Variants in PALB2 observed in about 807,000 individuals in gnomAD.
PALB2 encodes the protein partner and localizer of BRCA2.
Under a neutral mutation model 107.4 loss-of-function variants are expected in PALB2, and 82 were observed. The ratio of observed to expected loss-of-function variants is 0.76; its 90% CI spans 0.64 to 0.92. The LOEUF (loss-of-function observed/expected upper bound fraction) is 0.92, where lower values mean the gene tolerates loss of function less well. Among genes scored for constraint, PALB2 ranks in the 40% least tolerant of loss-of-function variants. The pLI, the probability that PALB2 is intolerant of heterozygous loss-of-function variation, is 0.00. For missense variants in PALB2, 1,374 were observed against 1,379.9 expected, an observed-to-expected ratio of 1.00 and a Z score of 0.07; for synonymous variants, 489 against 496.8, an observed-to-expected ratio of 0.98 and a Z score of 0.21.
chr16:23,618,919 G>C (rs1325384454), intron 10 of PALB2, among the ~76,000 whole-genome samples: 1 of 152,188 alleles, frequency 6.6e-6, no homozygotes, highest in Non-Finnish European at 1.5e-5. Flanking sequence ...TCTGAAAGCA[G>C]GGTCTTCTGG....
At position 23,629,791 on chromosome 16, in the gene PALB2, G is replaced by A. The variant is rs1567217501; in HGVS notation, c.2363C>T (p.Thr788Ile). 5.6e-6 allele frequency: 9 copies of A among 1,614,214 alleles called. No individual in the cohort carries two copies. The highest frequency in any genetic ancestry group is 7.6e-6 in the Non-Finnish European group (9 of 1,180,038). ...SSGSPAKPHT[T>I]LQVSGRQGQP... ...TCCTTGCCTGCCTGACACTTGCAGG[G>A]TGGTATGTGGTTTTGCTGGGCTGCC... is the stretch of plus-strand genomic sequence containing the variant. The change falls in exon 5 of 13, where the codon ACC (threonine) becomes ATC (isoleucine). Residue 788 changes from threonine to isoleucine, a missense_variant. Coordinates refer to ENST00000261584, the MANE Select transcript of PALB2 (RefSeq NM_024675.4).
intron 11 of PALB2, among the ~76,000 whole-genome samples, chr16:23,608,801 T>TAC (rs10525601): frequency 0.011 from 1,647 of 143,788 alleles, 38 homozygotes; most frequent in Admixed American, 0.058. Context: ...TGTATATATA[T>TAC]ACACACACAC....
intron 9 of PALB2, among the ~76,000 whole-genome samples, chr16:23,622,387 T>C (rs1258479657): frequency 2.0e-5 from 3 of 148,822 alleles, no homozygotes; most frequent in African/African-American, 7.5e-5. Flanking sequence ...TTAAAAATAT[T>C]TGTGTGTGTG....
chr16:23,623,095 T>C lies in PALB2; in HGVS notation c.2870A>G (p.Lys957Arg), dbSNP rs2142337222. ...LFCSSDDESEKQVLLKSGNIK... is the reference protein window; with the variant it reads ...LFCSSDDESERQVLLKSGNIK... ...ATTTCCAGACTTCAGTAGTACTTGC[T>C]TTTCACTTTCATCATCAGAGGAACA... The change falls in exon 9 of 13, where the codon AAG (lysine) becomes AGG (arginine). Residue 957 changes from lysine to arginine, a missense_variant. Coordinates refer to ENST00000261584, the MANE Select transcript of PALB2 (RefSeq NM_024675.4). 6.2e-7 allele frequency: 1 copy of C among 1,614,130 alleles called. No homozygotes were observed. Among genetic ancestry groups the C allele is most frequent in the Non-Finnish European group, 8.5e-7 (1 of 1,180,004 alleles).
In PALB2 at chr16:23,621,506, G is replaced by A. The variant is rs1031537530; in HGVS notation, c.2997-28C>T. 2.7e-5 allele frequency: 39 copies of A among 1,446,234 alleles called. No homozygotes were observed. The highest frequency in any genetic ancestry group is 3.8e-5 in the Non-Finnish European group (39 of 1,027,484). The allele number at this position is 1,446,234 out of a possible 1,614,324, so 89.6% of individuals were successfully genotyped here. ...GTAATTAAAACAGTATGAAAAGTCA[G>A]TACTTTGCACTAAAGCAGTCTCTAG... On this transcript the variant is annotated intron_variant, in intron 9 of 12. Transcript: ENST00000261584.
rs1966397840 is a variant in PALB2 at position 23,603,535 on chromosome 16, A to G, written c.3485T>C (p.Val1162Ala). Residue 1162 changes from valine to alanine, a missense_variant, in exon 13 of 13, where the codon GTG (valine) becomes GCG (alanine). Physicochemically the swap from Val to Ala is moderately conservative, Grantham distance 64. Coordinates refer to ENST00000261584, the MANE Select transcript of PALB2 (RefSeq NM_024675.4). ...PPVSDQHWSF[V>A]KWSGTDSHLL... ...ATGAGAGTCTGTACCCGACCATTTCACAAAAGACCAATGTTGGTCAGAGAC... is the reference window on the plus strand; with the variant it reads ...ATGAGAGTCTGTACCCGACCATTTCGCAAAAGACCAATGTTGGTCAGAGAC... 1 of 1,614,082 alleles carries G rather than the reference A, an allele frequency of 6.2e-7. No homozygotes were observed. Among genetic ancestry groups the G allele is most frequent in the Non-Finnish European group, 8.5e-7 (1 of 1,180,048 alleles).
chr16:23,620,804 G>T (rs910456862), intron 10 of PALB2, among the ~76,000 whole-genome samples: 2 of 152,230 alleles, frequency 1.3e-5, no homozygotes, highest in African/African-American at 2.4e-5. Flanking sequence ...CGGGCGCAGT[G>T]GCTCATGCCT....
At chr16:23,613,139 C>G (rs1446602609) in intron 11 of PALB2, among the ~76,000 whole-genome samples, 3 of 152,012 alleles carry the variant, frequency 2.0e-5, no homozygotes, top group East Asian at 1.9e-4. Context: ...CCTCGAGAAT[C>G]TATCATTTCT....
At chr16:23,627,239 G>C in intron 6 of PALB2, among the ~76,000 whole-genome samples, 1 of 151,894 alleles carries the variant, frequency 6.6e-6, no homozygotes, top group Non-Finnish European at 1.5e-5. Context: ...TGTAATCCCA[G>C]CACTTTGGGA....
chr16:23,633,779 C>T (rs1282145790), intron 4 of PALB2, among the ~76,000 whole-genome samples: 2 of 152,108 alleles, frequency 1.3e-5, no homozygotes, highest in Non-Finnish European at 2.9e-5. Flanking sequence ...TCACAGCTCA[C>T]CGCAGCCTCA....
At position 23,633,453 on chromosome 16, in the gene PALB2, T is replaced by C. The variant is rs533743489; in HGVS notation, c.1684+1409A>G. On this transcript the variant is annotated intron_variant, in intron 4 of 12. Transcript: ENST00000261584. ...AAAATCTGTGCTATCTGGCCCATTC[T>C]AGAAAGTATGCTGATCCCTAGTTTA... Among the ~76,000 whole-genome samples, 18 of 152,328 alleles carry C rather than the reference T, an allele frequency of 1.2e-4. No homozygotes were observed. The East Asian group carries it at 1.3e-3, about 11-fold the overall frequency.
rs529911586 is a variant in PALB2, at chr16:23,625,198, TG to T, written c.2748+1037del. On this transcript the variant is annotated intron_variant, in intron 7 of 12. Transcript: ENST00000261584. Reference sequence around the variant, plus strand: ...AAATACAAAAATTAGCTGGGCGTGGTGGTGGGCGCCTGTAGTCCCAGCTACT... The same window carrying T: ...AAATACAAAAATTAGCTGGGCGTGGTGTGGGCGCCTGTAGTCCCAGCTACT... 7.0e-4 allele frequency among the ~76,000 whole-genome samples: 106 copies of T among 151,942 alleles called. No individual in the cohort carries two copies. In the Middle Eastern group the frequency reaches 0.01, roughly 15 times the overall value.
At chr16:23,610,069 A>G (rs571940414) in intron 11 of PALB2, among the ~76,000 whole-genome samples, 154 of 152,330 alleles carry the variant, frequency 1.0e-3, no homozygotes, top group Non-Finnish European at 1.9e-3. Context: ...ATTTTGTGAC[A>G]TGCCAAAATT....
chr16:23,604,152 A>C (rs375468489), intron 12 of PALB2, among the ~76,000 whole-genome samples: 2 of 152,140 alleles, frequency 1.3e-5, no homozygotes, highest in East Asian at 3.8e-4. Context: ...TTTTATCTTC[A>C]TTGCACTTTT....
chr16:23,628,780 C>A (rs909468329), intron 6 of PALB2, among the ~76,000 whole-genome samples: 2 of 151,998 alleles, frequency 1.3e-5, no homozygotes, highest in African/African-American at 2.4e-5. Context: ...ATTATAGGCG[C>A]CCACCACCAC....
At chr16:23,604,561 G>A (rs1043961240) in intron 12 of PALB2, among the ~76,000 whole-genome samples, 1 of 152,192 alleles carries the variant, frequency 6.6e-6, no homozygotes, top group Non-Finnish European at 1.5e-5. Flanking sequence ...GAGGTTGGGA[G>A]TTTGAGACCA....
At chr16:23,627,093 C>A (rs78525848) in intron 6 of PALB2, among the ~76,000 whole-genome samples, 5,082 of 152,224 alleles carry the variant, frequency 0.033, 118 homozygotes, top group Middle Eastern at 0.088. Flanking sequence ...AAACAACATA[C>A]ATTATACTAT....
intron 3 of PALB2, 59 bp downstream of exon 3, chr16:23,637,791 C>T (rs1469030116): frequency 8.1e-6 from 11 of 1,353,454 alleles, no homozygotes; most frequent in Admixed American, 1.7e-5. Context: ...AGAACAATAG[C>T]CAAAATATAC....
At chr16:23,608,384 G>A (rs545463029) in intron 11 of PALB2, among the ~76,000 whole-genome samples, 86 of 152,076 alleles carry the variant, frequency 5.7e-4, no homozygotes, top group Non-Finnish European at 1.1e-3. Flanking sequence ...TCCTGCTTCC[G>A]GTTCCCAGTG....
Sources: allele counts gnomAD v4.1 joint callset (sites outside exome capture counted in the v4.1 genomes callset), GRCh38; gene constraint gnomAD v4.1.1; transcripts MANE v1.5; gene names NCBI Gene and HGNC (gene_info 2026-07-23, HGNC 2026-07-21).